Variants in ARMC2 observed in about 807,000 individuals in gnomAD.
The protein encoded by ARMC2 is armadillo repeat-containing protein 2.
Under a neutral mutation model 90.3 loss-of-function variants are expected in ARMC2, and 67 were observed. The observed-to-expected ratio is 0.74, with a 90% confidence interval of 0.61 to 0.91. The LOEUF (loss-of-function observed/expected upper bound fraction) is 0.91. Ranked by LOEUF, ARMC2 falls within the 40% of genes least tolerant of loss-of-function variation. ARMC2 has a pLI of 0.00. For missense variants in ARMC2, 920 were observed against 1,030.9 expected, an observed-to-expected ratio of 0.89 and a Z score of 1.47; for synonymous variants, 393 against 393.0, an observed-to-expected ratio of 1.00 and a Z score of 0.00.
At chr6:108,886,066 T>C (rs1283257540) in intron 5 of ARMC2, among the ~76,000 whole-genome samples, 3 of 152,232 alleles carry the variant, frequency 2.0e-5, no homozygotes, top group African/African-American at 4.8e-5. Context: ...AAAAACGAAG[T>C]GTCTTTTTCT....
the ARMC2 span, among the ~76,000 whole-genome samples, chr6:109,033,855 C>T: frequency 6.6e-6 from 1 of 152,126 alleles, no homozygotes; most frequent in African/African-American, 2.4e-5. Flanking sequence ...TGATTCCAGC[C>T]ATGTTTCTGT....
intron 13 of ARMC2, 117 bp downstream of exon 13, chr6:108,953,468 A>G (rs2128505469): frequency 9.5e-7 from 1 of 1,056,298 alleles, no homozygotes; most frequent in Non-Finnish European, 1.3e-6. Context: ...TCCCTATGAG[A>G]AAGTCTTAGC....
intron 4 of ARMC2, among the ~76,000 whole-genome samples, chr6:108,875,691 G>T (rs1414742089): frequency 6.6e-6 from 1 of 152,116 alleles, no homozygotes; most frequent in Admixed American, 6.5e-5. Context: ...CTGTTGATTA[G>T]GTTGTAAGCC....
chr6:108,923,970 G>A (rs2128482953), intron 10 of ARMC2: 1 of 152,154 alleles, frequency 6.6e-6, no homozygotes, highest in East Asian at 1.9e-4. Context: ...CCCTCCAGTA[G>A]CTGAACATTT....
chr6:109,024,298 C>A, the ARMC2 span, among the ~76,000 whole-genome samples: 2 of 152,110 alleles, frequency 1.3e-5, no homozygotes, highest in African/African-American at 4.8e-5. Flanking sequence ...GGCATAGGGA[C>A]TACCATTAAA....
chr6:109,042,021 AC>A, the ARMC2 span, among the ~76,000 whole-genome samples: 2 of 152,262 alleles, frequency 1.3e-5, no homozygotes, highest in Non-Finnish European at 2.9e-5. Flanking sequence ...TAACGAAATC[AC>A]ACTAGAAGTA....
At chr6:108,868,135 C>G (rs75272149) in intron 3 of ARMC2, among the ~76,000 whole-genome samples, 1 of 150,140 alleles carries the variant, frequency 6.7e-6, no homozygotes, top group Non-Finnish European at 1.5e-5. Context: ...AGGTACTCAA[C>G]AAATGTTTTC....
rs140851992 is a variant in ARMC2, at chr6:108,917,976, C to T, written c.1350+5418C>T. On this transcript the variant is annotated intron_variant, in intron 10 of 17. Coordinates refer to ENST00000392644, the MANE Select transcript of ARMC2 (RefSeq NM_032131.6). Reference sequence around the variant, plus strand: ...GTTTACAGGCATGAGCTACTGCTCCCGGCCGAAATTAGCTTGAATATAAAA... The same window carrying T: ...GTTTACAGGCATGAGCTACTGCTCCTGGCCGAAATTAGCTTGAATATAAAA... Among the ~76,000 whole-genome samples the T allele has an allele frequency of 8.8e-3, 1,346 of 152,266 alleles. 13 individuals carry two copies. Among genetic ancestry groups the T allele is most frequent in the African/African-American group, 0.028 (1,161 of 41,558 alleles).
intron 10 of ARMC2, among the ~76,000 whole-genome samples, chr6:108,927,608 A>T (rs914042628): frequency 1.3e-4 from 19 of 151,890 alleles, no homozygotes; most frequent in African/African-American, 4.6e-4. Flanking sequence ...CTCTTGGGAG[A>T]GAATGAGACT....
At chr6:108,913,263 A>T (rs1033598309) in intron 10 of ARMC2, among the ~76,000 whole-genome samples, 1 of 152,248 alleles carries the variant, frequency 6.6e-6, no homozygotes, top group African/African-American at 2.4e-5. Context: ...AGGATTCGAA[A>T]TGTGTTTGTC....
At chr6:109,035,640 G>A in the ARMC2 span, among the ~76,000 whole-genome samples, 6 of 151,728 alleles carry the variant, frequency 4.0e-5, no homozygotes, top group South Asian at 2.1e-4. Context: ...TTTGAGAAGG[G>A]GTCTCACTCT....
At chr6:108,994,677 C>T in the ARMC2 span, 18 of 807,324 alleles carry the variant, frequency 2.2e-5, no homozygotes, top group South Asian at 4.0e-5. Flanking sequence ...TCTTTTAAGT[C>T]TGTCTCATAA....
At chr6:109,027,654 G>A in the ARMC2 span, among the ~76,000 whole-genome samples, 2 of 152,002 alleles carry the variant, frequency 1.3e-5, no homozygotes, top group Non-Finnish European at 2.9e-5. Flanking sequence ...AACTGGTGAG[G>A]AGCAGGTTGT....
intron 2 of ARMC2, among the ~76,000 whole-genome samples, chr6:108,855,809 T>A (rs1196203145): frequency 6.6e-6 from 1 of 152,234 alleles, no homozygotes; most frequent in Non-Finnish European, 1.5e-5. Flanking sequence ...CCTGGACATG[T>A]GATGTGGAGC....
chr6:108,863,338 C>CT (rs1164625662), intron 3 of ARMC2, among the ~76,000 whole-genome samples: 1 of 152,174 alleles, frequency 6.6e-6, no homozygotes, highest in Non-Finnish European at 1.5e-5. Flanking sequence ...CCACCTTGGC[C>CT]TCCTAGAGTG....
At chr6:109,036,747 C>G in the ARMC2 span, among the ~76,000 whole-genome samples, 9 of 152,282 alleles carry the variant, frequency 5.9e-5, no homozygotes, top group African/African-American at 2.2e-4. Flanking sequence ...ACAATTTTAG[C>G]TTTCTTGTTT....
intron 8 of ARMC2, chr6:108,907,766 C>T (rs1772936183): frequency 1.9e-6 from 3 of 1,610,916 alleles, no homozygotes; most frequent in Non-Finnish European, 2.5e-6. Context: ...TTGAAACGCT[C>T]CGAAAATGCC....
chr6:108,921,565 T>C (rs1340820035), intron 10 of ARMC2, among the ~76,000 whole-genome samples: 1 of 152,256 alleles, frequency 6.6e-6, no homozygotes, highest in Non-Finnish European at 1.5e-5. Context: ...TGGTTTCTTT[T>C]GTCTCAGCCA....
chr6:108,893,025 C>A (rs1253225197), intron 5 of ARMC2, among the ~76,000 whole-genome samples: 2 of 152,264 alleles, frequency 1.3e-5, no homozygotes, highest in East Asian at 3.9e-4. Context: ...ATAAAACTTG[C>A]ACTCTTCTTT....
Sources: allele counts gnomAD v4.1 joint callset (sites outside exome capture counted in the v4.1 genomes callset), GRCh38; gene constraint gnomAD v4.1.1; transcripts MANE v1.5; gene names NCBI Gene and HGNC (gene_info 2026-07-23, HGNC 2026-07-21).